PIR: variants seen among roughly 807,000 people sequenced by gnomAD.
PIR encodes pirin.
In PIR, 22 loss-of-function variants were observed where a neutral mutation model predicts 24.2. The ratio of observed to expected loss-of-function variants is 0.91; its 90% CI spans 0.65 to 1.30. The LOEUF (loss-of-function observed/expected upper bound fraction) is 1.30. PIR is among the 50% of genes most tolerant of loss of function. The pLI is 0.00. For missense variants in PIR, 220 were observed against 220.3 expected, an observed-to-expected ratio of 1.00 and a Z score of 0.01; for synonymous variants, 80 against 79.6, an observed-to-expected ratio of 1.00 and a Z score of -0.03.
At chrX:15,433,743 G>A (rs1444861541) in intron 5 of PIR, among the ~76,000 whole-genome samples, 1 of 13,993 alleles carries the variant, frequency 7.1e-5, no homozygotes, top group African/African-American at 3.1e-4. Context: ...GAAGGAGGAG[G>A]AGGAAGGAGA....
chrX:15,477,358 T>A (rs2147078733), intron 3 of PIR, among the ~76,000 whole-genome samples: 1 of 111,797 alleles, frequency 8.9e-6, no homozygotes, highest in Non-Finnish European at 1.9e-5. Context: ...TAGAGAATAC[T>A]AGACCATTGC....
intron 5 of PIR, among the ~76,000 whole-genome samples, chrX:15,428,953 C>T (rs937758883): frequency 8.9e-6 from 1 of 111,961 alleles, no homozygotes; most frequent in Non-Finnish European, 1.9e-5. Context: ...TAATGTTTTC[C>T]TCCACACTCT....
intron 5 of PIR, among the ~76,000 whole-genome samples, chrX:15,447,311 T>TG (rs1352730270): frequency 3.1e-5 from 3 of 96,194 alleles, no homozygotes; most frequent in Non-Finnish European, 6.4e-5. Context: ...TTTGGTTTTT[T>TG]GGTTTTTTTT....
At chrX:15,440,725 A>T (rs1402757523) in intron 5 of PIR, among the ~76,000 whole-genome samples, 1 of 111,370 alleles carries the variant, frequency 9.0e-6, no homozygotes, top group East Asian at 2.8e-4. Flanking sequence ...TGAGAGGAAC[A>T]TTTCTTCATA....
chrX:15,418,629 G>A (rs1925006434), intron 6 of PIR, among the ~76,000 whole-genome samples: 1 of 111,806 alleles, frequency 8.9e-6, no homozygotes, highest in African/African-American at 3.3e-5. Flanking sequence ...TGAAACATCT[G>A]TTTTCTGCAA....
rs1268673262 is a variant in PIR, at chrX:15,397,530, C to T, written c.612G>A (p.Gly204=). The T allele has an allele frequency of 3.4e-6, 4 of 1,182,704 alleles. No individual in the cohort carries two copies. Among genetic ancestry groups the T allele is most frequent in the Admixed American group, 2.2e-5 (1 of 45,688 alleles). The part of the protein sequence containing the change: ...IYTISGDVYI[G]PDDAQQKIEP... Reference sequence around the variant, plus strand: ...CTATTTTTTGTTGTGCATCATCGGGCCCTACAAAACCAATGACACACTAAT... The same window carrying T: ...CTATTTTTTGTTGTGCATCATCGGGTCCTACAAAACCAATGACACACTAAT... Residue 204 remains glycine (G), a splice_region_variant and synonymous_variant, in exon 8 of 10, where the codon GGG becomes GGA. Coordinates refer to ENST00000380420, the MANE Select transcript of PIR (RefSeq NM_001018109.3).
At chrX:15,436,408 T>G (rs1431683174) in intron 5 of PIR, among the ~76,000 whole-genome samples, 1 of 112,217 alleles carries the variant, frequency 8.9e-6, no homozygotes, top group African/African-American at 3.2e-5. Flanking sequence ...GAAACTGGAC[T>G]TTGATTTCTT....
chrX:15,456,002 T>C lies in PIR; in HGVS notation c.326A>G (p.Glu109Gly). The C allele has an allele frequency of 1.7e-6, 2 of 1,211,716 alleles. No homozygotes were observed. Among genetic ancestry groups the C allele is most frequent in the South Asian group, 3.5e-5 (2 of 56,985 alleles). The change falls in exon 5 of 10, where the codon GAG becomes GGG. Residue 109 changes from glutamate to glycine, a missense_variant. By Grantham distance (98) the Glu-to-Gly change is moderately conservative. Coordinates refer to ENST00000380420, the MANE Select transcript of PIR (RefSeq NM_001018109.3). Reference sequence around the variant, plus strand: ...CCACAGTTGTAGGCCATGGGCTGGCTCCTCTGAGCAAGGCATCTCAGCGTG... The same window carrying C: ...CCACAGTTGTAGGCCATGGGCTGGCCCCTCTGAGCAAGGCATCTCAGCGTG... Reference protein sequence around the residue: ...ILHAEMPCSEEPAHGLQLWVN... With the variant: ...ILHAEMPCSEGPAHGLQLWVN...
chrX:15,461,453 G>A (rs1158516218), intron 3 of PIR, among the ~76,000 whole-genome samples: 3 of 112,653 alleles, frequency 2.7e-5, no homozygotes, highest in Non-Finnish European at 3.8e-5. Context: ...AGCCACTAGC[G>A]ACATGCAGCT....
intron 2 of PIR, among the ~76,000 whole-genome samples, chrX:15,484,422 C>T (rs764541211): frequency 2.6e-4 from 26 of 101,368 alleles, no homozygotes; most frequent in Admixed American, 3.6e-4. Flanking sequence ...TCAAGCAATG[C>T]GCCCGCCTCA....
chrX:15,411,680 C>T (rs1026631693), intron 6 of PIR, among the ~76,000 whole-genome samples: 3 of 111,021 alleles, frequency 2.7e-5, no homozygotes, highest in East Asian at 2.8e-4. Flanking sequence ...CAACCTCCCC[C>T]CCGCCACCGG....
At chrX:15,409,343 C>T (rs1025891465) in intron 6 of PIR, among the ~76,000 whole-genome samples, 3 of 109,484 alleles carry the variant, frequency 2.7e-5, no homozygotes, top group Non-Finnish European at 5.7e-5. Context: ...GTGATCCACC[C>T]GCCTCGGCCT....
chrX:15,485,971 A>C lies in PIR; in HGVS notation c.96+5191T>G, dbSNP rs191730033. 4.3e-4 allele frequency among the ~76,000 whole-genome samples: 48 copies of C among 111,738 alleles called. No individual in the cohort carries two copies. The East Asian group carries it at 0.013, about 31-fold the overall frequency. ...GACAATCTTTTAACGTTTTTGAGCC[A>C]CATGAGAATTTCTTTTCATTCAAAT... On this transcript the variant is annotated intron_variant, in intron 2 of 9. Coordinates refer to ENST00000380420, the MANE Select transcript of PIR (RefSeq NM_001018109.3).
intron 8 of PIR, 85 bp from the exon 9 acceptor site, chrX:15,390,336 G>T: frequency 1.9e-6 from 1 of 521,747 alleles, no homozygotes; most frequent in Middle Eastern, 4.1e-4. Flanking sequence ...TGACATGCTA[G>T]CCAAATAGGC....
chrX:15,438,490 A>T (rs1018594943), intron 5 of PIR, among the ~76,000 whole-genome samples: 9 of 112,309 alleles, frequency 8.0e-5, no homozygotes, highest in East Asian at 5.6e-4. Flanking sequence ...TCCAGTTAGA[A>T]TCCCAGTTCT....
intron 5 of PIR, among the ~76,000 whole-genome samples, chrX:15,426,749 C>T (rs988189155): frequency 1.8e-5 from 2 of 112,067 alleles, no homozygotes; most frequent in African/African-American, 6.5e-5. Flanking sequence ...TTAAGCTTGG[C>T]ACGGATGTGT....
Position 15,434,271 on chromosome X carries a change from AAAG to A in PIR, c.481-8284_481-8282del, listed in dbSNP as rs1459703337. On this transcript the variant is annotated intron_variant, in intron 5 of 9. Coordinates refer to ENST00000380420, the MANE Select transcript of PIR (RefSeq NM_001018109.3). ...AAGGAGAAAGAAGAAGGAGGAGGAG[AAAG>A]AAGAAAGAGGAGAAAGAAGAAGGAG... Among the ~76,000 whole-genome samples, 5 of 100,807 alleles carry A rather than the reference AAAG, an allele frequency of 5.0e-5. No individual in the cohort carries two copies. In the East Asian group the frequency reaches 1.6e-3, roughly 33 times the overall value. The allele number at this position is 100,807 out of a possible 115,157, so 87.5% of individuals were successfully genotyped here.
In PIR at chrX:15,493,297, C is replaced by G. The variant is rs1923259566; in HGVS notation, c.-160G>C. ...GAGAGTGTGGGTCCAGTAGCCTCACCGTGACTCAGCGCTTCGCGGCCGGCG... is the reference window on the plus strand; with the variant it reads ...GAGAGTGTGGGTCCAGTAGCCTCACGGTGACTCAGCGCTTCGCGGCCGGCG... On this transcript the variant is annotated 5_prime_UTR_variant, in exon 1 of 10. Transcript: ENST00000380420. 9.0e-6 allele frequency: 1 copy of G among 111,670 alleles called. No individual in the cohort carries two copies. The highest frequency in any genetic ancestry group is 1.9e-5 in the Non-Finnish European group (1 of 52,926). The allele number at this position is 111,670 out of a possible 1,213,427, so 9.2% of individuals were successfully genotyped here.
At chrX:15,425,433 A>G (rs1285304645) in intron 6 of PIR, among the ~76,000 whole-genome samples, 1 of 83,449 alleles carries the variant, frequency 1.2e-5, no homozygotes, top group Non-Finnish European at 2.1e-5. Context: ...TTTTTTTGAG[A>G]TGGAGTCTCG....
Sources: gnomAD v4.1 joint callset for allele counts (sites outside exome capture counted in the v4.1 genomes callset) on GRCh38, gnomAD v4.1.1 for gene constraint, MANE v1.5 for transcripts, NCBI Gene and HGNC (gene_info 2026-07-23, HGNC 2026-07-21) for gene names.